FRMPD4: variants seen among roughly 807,000 people sequenced by gnomAD.
FRMPD4 encodes the protein FERM and PDZ domain containing 4, also known as FERM and PDZ domain-containing protein 4.
In FRMPD4, 22 loss-of-function variants were observed where a neutral mutation model predicts 94.1. The observed-to-expected ratio is 0.23, with a 90% CI of 0.17 to 0.33. FRMPD4 has a LOEUF of 0.33. Among genes scored for constraint, FRMPD4 ranks in the 10% least tolerant of loss-of-function variants. FRMPD4 has a pLI of 1.00. For missense variants in FRMPD4, 1,111 were observed against 1,339.9 expected (o/e 0.83, Z 2.67); for synonymous variants, 631 against 548.6 (o/e 1.15, Z -2.10).
chrX:11,880,325 C>G (rs1475759540), intron 3 of FRMPD4, among the ~76,000 whole-genome samples: 2 of 111,597 alleles, frequency 1.8e-5, no homozygotes, highest in East Asian at 5.6e-4. Flanking sequence ...TCTCCTAACA[C>G]AGTGCCTGGT....
intron 4 of FRMPD4, among the ~76,000 whole-genome samples, chrX:12,626,063 C>T (rs1008285527): frequency 5.4e-5 from 6 of 111,801 alleles, no homozygotes; most frequent in African/African-American, 2.0e-4. Context: ...TGGTGACTCA[C>T]ACCTGTAATC....
At chrX:12,362,381 G>A (rs750951578) in intron 1 of FRMPD4, among the ~76,000 whole-genome samples, 13 of 109,500 alleles carry the variant, frequency 1.2e-4, no homozygotes, top group East Asian at 2.9e-4. Flanking sequence ...GACAGGCCCC[G>A]GTGTGTGATG....
intron 1 of FRMPD4, among the ~76,000 whole-genome samples, chrX:12,450,881 AAAG>A (rs1275576422): frequency 1.9e-5 from 2 of 108,092 alleles, no homozygotes; most frequent in African/African-American, 6.7e-5. Flanking sequence ...AAAAAAAAAA[AAAG>A]AGAGAGAGAA....
At chrX:12,535,285 CT>C (rs1356356935) in intron 2 of FRMPD4, among the ~76,000 whole-genome samples, 3 of 111,751 alleles carry the variant, frequency 2.7e-5, no homozygotes, top group Non-Finnish European at 5.6e-5. Context: ...CAATAAACCT[CT>C]TTCTTTTGTA....
intron 1 of FRMPD4, among the ~76,000 whole-genome samples, chrX:12,362,495 G>A (rs2056008110): frequency 1.8e-5 from 2 of 111,040 alleles, no homozygotes; most frequent in Non-Finnish European, 3.8e-5. Flanking sequence ...CGAGAATGAT[G>A]GTTTCCAGCT....
At chrX:12,199,451 A>T (rs761341223) in intron 1 of FRMPD4, among the ~76,000 whole-genome samples, 32 of 111,245 alleles carry the variant, frequency 2.9e-4, no homozygotes, top group African/African-American at 1.0e-3. Context: ...AGTTAAGTTC[A>T]CTACCTTACT....
Position 12,234,094 on chromosome X carries a change from C to T in FRMPD4, c.41+95082C>T, listed in dbSNP as rs185458624. Among the ~76,000 whole-genome samples, 204 of 111,193 alleles carry T rather than the reference C, an allele frequency of 1.8e-3. 1 individual carries two copies. The highest frequency in any genetic ancestry group is 6.2e-3 in the African/African-American group (191 of 30,600). On this transcript the variant is annotated intron_variant, in intron 1 of 16. Coordinates refer to ENST00000675598, the MANE Select transcript of FRMPD4 (RefSeq NM_001368397.1). ...ATGGGGTTTGGCAAGATAACCAGCACGAGCAAAAATGGACTGGTAAGCTGT... is the reference window on the plus strand; with the variant it reads ...ATGGGGTTTGGCAAGATAACCAGCATGAGCAAAAATGGACTGGTAAGCTGT...
At chrX:12,360,470 A>C (rs2055968157) in intron 1 of FRMPD4, among the ~76,000 whole-genome samples, 1 of 111,557 alleles carries the variant, frequency 9.0e-6, no homozygotes, top group Non-Finnish European at 1.9e-5. Context: ...TTATATCAAA[A>C]CTAAACATGT....
chrX:12,604,245 C>T (rs974336336), intron 2 of FRMPD4, among the ~76,000 whole-genome samples: 3 of 111,472 alleles, frequency 2.7e-5, no homozygotes, highest in African/African-American at 9.8e-5. Context: ...AGAACATCAT[C>T]AGTGCTTCTT....
intron 7 of FRMPD4, 33 bp downstream of exon 7, chrX:12,686,237 G>A (rs1158874853): frequency 1.1e-5 from 8 of 706,516 alleles, no homozygotes; most frequent in South Asian, 2.3e-5. Context: ...GTCCCTGGAC[G>A]CTTTCAGGTA....
chrX:12,350,897 C>T (rs754236521), intron 1 of FRMPD4, among the ~76,000 whole-genome samples: 6 of 112,388 alleles, frequency 5.3e-5, no homozygotes, highest in South Asian at 3.7e-4. Context: ...GATTATTGGC[C>T]GGGCACAGTG....
chrX:12,264,364 G>A (rs1295716895), intron 1 of FRMPD4, among the ~76,000 whole-genome samples: 1 of 111,743 alleles, frequency 8.9e-6, no homozygotes, highest in Non-Finnish European at 1.9e-5. Flanking sequence ...AAGTTCCATA[G>A]GTAGTTGGAT....
At chrX:12,268,146 G>C (rs1349816349) in intron 1 of FRMPD4, among the ~76,000 whole-genome samples, 1 of 111,985 alleles carries the variant, frequency 8.9e-6, no homozygotes, top group Non-Finnish European at 1.9e-5. Context: ...GGAAAACAGT[G>C]AGGACCTCAA....
chrX:11,994,161 C>A (rs958741543), intron 3 of FRMPD4, among the ~76,000 whole-genome samples: 4 of 110,067 alleles, frequency 3.6e-5, no homozygotes, highest in African/African-American at 9.9e-5. Flanking sequence ...TGGGTAGAGG[C>A]CATGGATGCT....
intron 3 of FRMPD4, among the ~76,000 whole-genome samples, chrX:11,994,072 G>GC (rs893731362): frequency 2.1e-4 from 23 of 110,630 alleles, no homozygotes; most frequent in African/African-American, 4.6e-4. Context: ...GAGTGATTTT[G>GC]CCCCCCCAGA....
At chrX:12,187,219 T>G (rs889049190) in intron 1 of FRMPD4, among the ~76,000 whole-genome samples, 2 of 111,942 alleles carry the variant, frequency 1.8e-5, no homozygotes, top group African/African-American at 6.5e-5. Context: ...TCAGTGGGAT[T>G]CCAGTGTCAC....
intron 3 of FRMPD4, among the ~76,000 whole-genome samples, chrX:11,928,541 G>A (rs1365809449): frequency 8.9e-6 from 1 of 112,177 alleles, no homozygotes; most frequent in Non-Finnish European, 1.9e-5. Flanking sequence ...GATGAGATTT[G>A]GGTGGGGACA....
At chrX:11,864,148 T>G (rs141818359) in intron 1 of FRMPD4, among the ~76,000 whole-genome samples, 127 of 110,590 alleles carry the variant, frequency 1.1e-3, no homozygotes, top group African/African-American at 3.8e-3. Context: ...AAGACTGGAT[T>G]CCCACAAATG....
chrX:12,656,263 G>A (rs1473848289), intron 4 of FRMPD4, among the ~76,000 whole-genome samples: 1 of 112,237 alleles, frequency 8.9e-6, no homozygotes. Flanking sequence ...TAATAGGATT[G>A]TCAATGAATG....
Sources: allele counts gnomAD v4.1 joint callset (sites outside exome capture counted in the v4.1 genomes callset), GRCh38; gene constraint gnomAD v4.1.1; transcripts MANE v1.5; gene names NCBI Gene and HGNC (gene_info 2026-07-23, HGNC 2026-07-21).